Variants in TBC1D2 observed in about 807,000 individuals in gnomAD.
TBC1D2 encodes TBC1 domain family member 2, also known as TBC1 domain family member 2A.
TBC1D2 carries 58 observed loss-of-function variants against 91.1 expected under a neutral mutation model. The observed-to-expected ratio is 0.64, with a 90% CI of 0.52 to 0.79. The LOEUF is 0.79. Ranked by LOEUF, TBC1D2 falls within the 30% of genes least tolerant of loss-of-function variation. TBC1D2 has a pLI of 0.00. For missense variants in TBC1D2, 1,080 were observed against 1,208.3 expected, an observed-to-expected ratio of 0.89 and a Z score of 1.57; for synonymous variants, 482 against 511.5, an observed-to-expected ratio of 0.94 and a Z score of 0.78.
At chr9:98,211,949 C>T (rs1322837894) in intron 7 of TBC1D2, among the ~76,000 whole-genome samples, 1 of 152,116 alleles carries the variant, frequency 6.6e-6, no homozygotes, top group Non-Finnish European at 1.5e-5. Flanking sequence ...AGGTGTGCAC[C>T]ACCACGCCCA....
At position 98,199,336 on chromosome 9, in the gene TBC1D2, G is replaced by T. The variant is rs1828417075; in HGVS notation, c.*45C>A. 6.2e-7 allele frequency: 1 copy of T among 1,606,940 alleles called. No individual in the cohort carries two copies. The highest frequency in any genetic ancestry group is 1.1e-5 in the South Asian group (1 of 90,708). The stretch of plus-strand genomic sequence containing the variant: ...TCCGTGCCTGACCTCCAGTGGGTCT[G>T]CCAGCCAAGGGTGAGGAAGGCTGTG... On this transcript the variant is annotated 3_prime_UTR_variant, in exon 13 of 13. Transcript: ENST00000465784.
intron 12 of TBC1D2, among the ~76,000 whole-genome samples, chr9:98,199,845 C>T (rs73503052): frequency 6.6e-6 from 1 of 152,034 alleles, no homozygotes; most frequent in Non-Finnish European, 1.5e-5. Flanking sequence ...AGGTGACCCA[C>T]GTGTGAGCTG....
At chr9:98,248,489 C>T (rs1371264615) in intron 2 of TBC1D2, among the ~76,000 whole-genome samples, 2 of 152,224 alleles carry the variant, frequency 1.3e-5, no homozygotes, top group Non-Finnish European at 2.9e-5. Flanking sequence ...AAGGGCCTGA[C>T]CCAGGAGGTC....
chr9:98,201,250 A>T (rs1828489832), intron 11 of TBC1D2, among the ~76,000 whole-genome samples: 1 of 152,138 alleles, frequency 6.6e-6, no homozygotes, highest in Admixed American at 6.5e-5. Flanking sequence ...TGCCTCTCTG[A>T]TCATGCTCAC....
At chr9:98,208,597 A>AC in intron 9 of TBC1D2, 71 bp downstream of exon 9, 1 of 1,455,642 alleles carries the variant, frequency 6.9e-7, no homozygotes, top group Admixed American at 2.3e-5. Flanking sequence ...CTGCCTGTCC[A>AC]CAGTCTGAGG....
At position 98,228,928 on chromosome 9, in the gene TBC1D2, G is replaced by A. The variant is rs1829299633; in HGVS notation, c.978+24C>T. The stretch of plus-strand genomic sequence containing the variant: ...ACTGGAGGGGTCCACTGGAACCTGG[G>A]GCCTCCCTGGGACCAGACCTCACCT... On this transcript the variant is annotated intron_variant, in intron 5 of 12. Coordinates refer to ENST00000465784, the MANE Select transcript of TBC1D2 (RefSeq NM_001267571.2). This position sits in a 1 kb window ranked among gnomAD's most constrained non-coding sequence, Gnocchi z 4.0. 2 of 1,605,830 alleles carry A rather than the reference G, an allele frequency of 1.2e-6. No individual in the cohort carries two copies. The highest frequency in any genetic ancestry group is 1.3e-5 in the African/African-American group (1 of 74,748).
chr9:98,200,105 A>G (rs1243445743), intron 12 of TBC1D2, 148 bp downstream of exon 12: 17 of 1,222,744 alleles, frequency 1.4e-5, no homozygotes, highest in Non-Finnish European at 1.7e-5. Flanking sequence ...TCACTCAGAC[A>G]GTCAGACTTC....
intron 2 of TBC1D2, among the ~76,000 whole-genome samples, chr9:98,245,266 A>G (rs928365910): frequency 1.3e-5 from 2 of 151,164 alleles, no homozygotes; most frequent in African/African-American, 4.9e-5. Flanking sequence ...AAACAAAACA[A>G]AAACAAACAA....
At chr9:98,219,799 T>C (rs1053934460) in intron 6 of TBC1D2, among the ~76,000 whole-genome samples, 8 of 152,230 alleles carry the variant, frequency 5.3e-5, no homozygotes, top group Non-Finnish European at 1.2e-4. Flanking sequence ...CCATCACATA[T>C]GCAGCCTGTT....
chr9:98,248,900 A>G (rs540292917), intron 2 of TBC1D2, among the ~76,000 whole-genome samples: 1 of 152,362 alleles, frequency 6.6e-6, no homozygotes, highest in African/African-American at 2.4e-5. Flanking sequence ...CATAAAATAA[A>G]GTTGTAAATC....
At chr9:98,233,381 C>T in intron 4 of TBC1D2, 35 bp downstream of exon 4, 1 of 1,591,690 alleles carries the variant, frequency 6.3e-7, no homozygotes, top group Non-Finnish European at 8.5e-7. Flanking sequence ...AGGAGCTGGT[C>T]CCTGAAGGCA....
intron 3 of TBC1D2, among the ~76,000 whole-genome samples, chr9:98,235,848 C>CA (rs1829490318): frequency 1.3e-5 from 2 of 152,082 alleles, no homozygotes; most frequent in South Asian, 2.1e-4. Flanking sequence ...TCCTGGCTAA[C>CA]ACGGTGAAAC....
intron 9 of TBC1D2, among the ~76,000 whole-genome samples, chr9:98,204,174 G>C (rs112284771): frequency 6.6e-6 from 1 of 152,080 alleles, no homozygotes; most frequent in Non-Finnish European, 1.5e-5. Flanking sequence ...CTCTCATCCC[G>C]GGCCAATCCA....
rs188611958 is a variant in TBC1D2, at chr9:98,199,408, G to A, written c.2760C>T (p.Ser920=). The A allele has an allele frequency of 2.0e-5, 32 of 1,613,552 alleles. No homozygotes were observed. Among genetic ancestry groups the A allele is most frequent in the East Asian group, 8.9e-5 (4 of 44,884 alleles). ...AGGCTTCCCCCTCCACCTCGTCCTCGCTGGCACAGCCCTCGGACACAGCTC... is the reference window on the plus strand; with the variant it reads ...AGGCTTCCCCCTCCACCTCGTCCTCACTGGCACAGCCCTCGGACACAGCTC... ...RRRAVSEGCA[S]EDEVEGEA is the part of the protein sequence containing the mutation. Residue 920 remains serine (S), a synonymous_variant, in exon 13 of 13, where the codon AGC becomes AGT. Transcript: ENST00000465784.
chr9:98,225,121 G>A (rs1469739782), intron 5 of TBC1D2, among the ~76,000 whole-genome samples: 1 of 152,198 alleles, frequency 6.6e-6, no homozygotes, highest in African/African-American at 2.4e-5. Context: ...GAACTAAGGT[G>A]GCCCCAGAGG....
chr9:98,238,778 G>A lies in TBC1D2; in HGVS notation c.647+5216C>T, dbSNP rs186244489. On this transcript the variant is annotated intron_variant, in intron 3 of 12. Transcript: ENST00000465784. ...TTTTCTGAGACGGAGCTGCTCTGTCGCCCAGGCTGGAGTGTAGTGGTACAA... is the reference window on the plus strand; with the variant it reads ...TTTTCTGAGACGGAGCTGCTCTGTCACCCAGGCTGGAGTGTAGTGGTACAA... Among the ~76,000 whole-genome samples the A allele has an allele frequency of 2.2e-3, 276 of 127,340 alleles. 79 individuals are homozygous for A. The highest frequency in any genetic ancestry group is 0.011 in the African/African-American group (243 of 21,550). 83.5% of individuals were successfully genotyped at this position (127,340 alleles called of 152,430 possible).
intron 5 of TBC1D2, among the ~76,000 whole-genome samples, chr9:98,221,808 A>G (rs1829109365): frequency 6.6e-6 from 1 of 152,046 alleles, no homozygotes; most frequent in Non-Finnish European, 1.5e-5. Context: ...GGCTCACTGT[A>G]GCCTCAATCT....
chr9:98,231,557 T>G (rs1829370972), intron 4 of TBC1D2, among the ~76,000 whole-genome samples: 1 of 152,188 alleles, frequency 6.6e-6, no homozygotes, highest in Non-Finnish European at 1.5e-5. Flanking sequence ...ATGTATGTGT[T>G]CCAAGCATGG....
intron 3 of TBC1D2, among the ~76,000 whole-genome samples, chr9:98,237,229 C>T (rs1259276426): frequency 6.6e-6 from 1 of 151,358 alleles, no homozygotes; most frequent in African/African-American, 2.4e-5. Flanking sequence ...CCCAGCTTCT[C>T]GGGAGGCTGA....
Sources: allele counts gnomAD v4.1 joint callset (sites outside exome capture counted in the v4.1 genomes callset), GRCh38; gene constraint gnomAD v4.1.1; non-coding constraint Gnocchi (gnomAD v3.1); transcripts MANE v1.5; gene names NCBI Gene and HGNC (gene_info 2026-07-23, HGNC 2026-07-21).